Variants in ALKBH5 observed in about 807,000 individuals in gnomAD.
ALKBH5 encodes RNA demethylase ALKBH5.
A neutral mutation model predicts 32.1 loss-of-function variants in ALKBH5; 2 were observed. That is an observed-to-expected ratio of 0.06 (90% confidence interval 0.03 to 0.20). The LOEUF is 0.20. Ranked by LOEUF, ALKBH5 falls within the 10% of genes least tolerant of loss-of-function variation. The pLI is 1.00. For synonymous variants in ALKBH5, 300 were observed against 231.7 expected (o/e 1.29, Z -2.68); for missense variants, 352 against 559.5 (o/e 0.63, Z 3.74).
intron 2 of ALKBH5, among the ~76,000 whole-genome samples, chr17:18,201,465 A>G (rs1209453468): frequency 2.0e-5 from 3 of 152,206 alleles, no homozygotes; most frequent in South Asian, 2.1e-4. Flanking sequence ...GTGGTCTTCT[A>G]AACTCTTCCT....
At chr17:18,191,688 G>C (rs2047175787) in intron 1 of ALKBH5, among the ~76,000 whole-genome samples, 1 of 152,168 alleles carries the variant, frequency 6.6e-6, no homozygotes, top group Admixed American at 6.5e-5. Flanking sequence ...GTGCCTCTGG[G>C]GCCGAGCATG....
chr17:18,204,144 G>A (rs1250781231), intron 2 of ALKBH5, among the ~76,000 whole-genome samples: 1 of 152,116 alleles, frequency 6.6e-6, no homozygotes, highest in Non-Finnish European at 1.5e-5. Flanking sequence ...TTGATGACAC[G>A]AAGCCTGGTA....
intron 3 of ALKBH5, 33 bp downstream of exon 3, chr17:18,207,003 C>G: frequency 6.2e-7 from 1 of 1,606,356 alleles, no homozygotes; most frequent in South Asian, 1.1e-5. Context: ...CAAAGGCTGG[C>G]AAAGGCCTGG....
Position 18,209,272 on chromosome 17 carries a change from TGTG to T in ALKBH5, c.*880_*882del, listed in dbSNP as rs748729095. ...TAGCATTTGGGGTATGGAAAATTGT[TGTG>T]GTGTGTGGTAGGGTTTTTGTTTTCT... On this transcript the variant is annotated 3_prime_UTR_variant, in exon 4 of 4. Transcript: ENST00000399138. 2.0e-5 allele frequency: 3 copies of T among 152,688 alleles called. No individual in the cohort carries two copies. Among genetic ancestry groups the T allele is most frequent in the Non-Finnish European group, 4.4e-5 (3 of 68,068 alleles). 9.5% of individuals were successfully genotyped at this position (152,688 alleles called of 1,614,324 possible). A position where few individuals can be genotyped will look rare whatever the true frequency, so the allele number is the denominator to read the frequency against.
In ALKBH5 at chr17:18,208,827, C is replaced by T. The variant is rs961349498; in HGVS notation, c.*431C>T. ...TTCAGTCTTCTGCTCGCCCCTTTCC[C>T]TCACTGATGTCTGCACTTGGTTGAG... On this transcript the variant is annotated 3_prime_UTR_variant, in exon 4 of 4. Coordinates refer to ENST00000399138, the MANE Select transcript of ALKBH5 (RefSeq NM_017758.4). 2.3e-5 allele frequency: 7 copies of T among 299,966 alleles called. No homozygotes were observed. The highest frequency in any genetic ancestry group is 4.5e-5 in the Non-Finnish European group (7 of 155,180). The allele number at this position is 299,966 out of a possible 1,614,324, so 18.6% of individuals were successfully genotyped here.
chr17:18,206,763 C>G, intron 2 of ALKBH5, 52 bp from the exon 3 acceptor site: 5 of 1,590,058 alleles, frequency 3.1e-6, no homozygotes, highest in Non-Finnish European at 4.3e-6. Context: ...CTGATGGTGC[C>G]CACACCTTCA....
Position 18,183,980 on chromosome 17 carries a change from G to A in ALKBH5, c.-264G>A, listed in dbSNP as rs1290876028. On this transcript the variant is annotated 5_prime_UTR_variant, in exon 1 of 4. Coordinates refer to ENST00000399138, the MANE Select transcript of ALKBH5 (RefSeq NM_017758.4). The stretch of plus-strand genomic sequence containing the variant: ...GCAGCAGCCCTCCGCGGCATGAGGC[G>A]CTGCCGGCGCCCCTGCCCCGCGGGA... The A allele has an allele frequency of 1.6e-6, 1 of 637,534 alleles. No individual in the cohort carries two copies. The highest frequency in any genetic ancestry group is 2.1e-5 in the Admixed American group (1 of 47,282). The allele number at this position is 637,534 out of a possible 1,614,324, so 39.5% of individuals were successfully genotyped here. A position where few individuals can be genotyped will look rare whatever the true frequency, so the allele number is the denominator to read the frequency against.
rs1332501043 is a variant in ALKBH5, at chr17:18,184,202, C to T, written c.-42C>T. On this transcript the variant is annotated 5_prime_UTR_variant, in exon 1 of 4. Coordinates refer to ENST00000399138, the MANE Select transcript of ALKBH5 (RefSeq NM_017758.4). ...TCCCCTTAGAGCCATGCCCGGCTGC[C>T]CCGCCCGCCCCGGAGGACCCTAGAG... 2 of 1,455,836 alleles carry T rather than the reference C, an allele frequency of 1.4e-6. No individual in the cohort carries two copies. Among genetic ancestry groups the T allele is most frequent in the African/African-American group, 1.5e-5 (1 of 66,870 alleles). 90.2% of individuals were successfully genotyped at this position (1,455,836 alleles called of 1,614,324 possible).
chr17:18,183,923 G>A lies in ALKBH5; in HGVS notation c.-321G>A. 2 of 541,594 alleles carry A rather than the reference G, an allele frequency of 3.7e-6. No individual in the cohort carries two copies. Among genetic ancestry groups the A allele is most frequent in the East Asian group, 4.8e-5 (1 of 20,908 alleles). The allele number at this position is 541,594 out of a possible 1,614,324, so 33.5% of individuals were successfully genotyped here. A position where few individuals can be genotyped will look rare whatever the true frequency, so the allele number is the denominator to read the frequency against. On this transcript the variant is annotated 5_prime_UTR_variant, in exon 1 of 4. Coordinates refer to ENST00000399138, the MANE Select transcript of ALKBH5 (RefSeq NM_017758.4). The stretch of plus-strand genomic sequence containing the variant: ...AAAGTGCGGGCCGGGCCGGGCGTCC[G>A]AGGGTCTGGTCGGGAGTCGGGCCGC...
At chr17:18,185,080 A>G (rs1012498248) in intron 1 of ALKBH5, 67 bp downstream of exon 1, 2 of 1,557,716 alleles carry the variant, frequency 1.3e-6, no homozygotes, top group Admixed American at 3.6e-5. Flanking sequence ...TGGCCCAGAA[A>G]GCAGCAGCCC....
chr17:18,185,068 C>A lies in ALKBH5; in HGVS notation c.770+55C>A, dbSNP rs1204181880. ...TGCGCCTGCTGCCTTAGCTACCCAC[C>A]CTGGCCCAGAAAGCAGCAGCCCGTA... On this transcript the variant is annotated intron_variant, in intron 1 of 3. Transcript: ENST00000399138. The A allele has an allele frequency of 7.0e-6, 11 of 1,565,880 alleles. No homozygotes were observed. The Admixed American group carries it at 1.6e-4, about 22-fold the overall frequency.
At position 18,189,192 on chromosome 17, in the gene ALKBH5, A is replaced by G. The variant is rs147003836; in HGVS notation, c.770+4179A>G. On this transcript the variant is annotated intron_variant, in intron 1 of 3. Coordinates refer to ENST00000399138, the MANE Select transcript of ALKBH5 (RefSeq NM_017758.4). Reference sequence around the variant, plus strand: ...GGACATCGAGACCATCCTGGCTAGCATGGTGAAACCCTGTCTCTACTAAAA... The same window carrying G: ...GGACATCGAGACCATCCTGGCTAGCGTGGTGAAACCCTGTCTCTACTAAAA... Among the ~76,000 whole-genome samples, 1,080 of 152,304 alleles carry G rather than the reference A, an allele frequency of 7.1e-3. 6 individuals carry two copies. The highest frequency in any genetic ancestry group is 8.2e-3 in the African/African-American group (339 of 41,560).
intron 1 of ALKBH5, among the ~76,000 whole-genome samples, chr17:18,192,800 T>A (rs2047184227): frequency 6.6e-6 from 1 of 152,054 alleles, no homozygotes; most frequent in Admixed American, 6.5e-5. Flanking sequence ...TTTGAAACTC[T>A]AATCAGTATT....
chr17:18,195,081 C>A, intron 2 of ALKBH5, 46 bp downstream of exon 2: 2 of 1,546,522 alleles, frequency 1.3e-6, no homozygotes, highest in South Asian at 1.1e-5. Flanking sequence ...GCAGGCCTGT[C>A]TGGAGATGTA....
At position 18,209,279 on chromosome 17, in the gene ALKBH5, T is replaced by C. The variant is rs1008964724; in HGVS notation, c.*883T>C. 1.3e-5 allele frequency: 2 copies of C among 152,672 alleles called. No individual in the cohort carries two copies. Among genetic ancestry groups the C allele is most frequent in the Non-Finnish European group, 2.9e-5 (2 of 68,066 alleles). The allele number at this position is 152,672 out of a possible 1,614,324, so 9.5% of individuals were successfully genotyped here. ...TGGGGTATGGAAAATTGTTGTGGTG[T>C]GTGGTAGGGTTTTTGTTTTCTTTTT... On this transcript the variant is annotated 3_prime_UTR_variant, in exon 4 of 4. Transcript: ENST00000399138.
intron 1 of ALKBH5, among the ~76,000 whole-genome samples, chr17:18,190,550 GAAAAAA>G (rs11316080): frequency 1.6e-5 from 2 of 121,902 alleles, no homozygotes; most frequent in Non-Finnish European, 3.3e-5. Context: ...CTCTGTTTCC[GAAAAAA>G]AAAAAAAAAA....
At chr17:18,192,968 C>T (rs1053113547) in intron 1 of ALKBH5, among the ~76,000 whole-genome samples, 2 of 150,530 alleles carry the variant, frequency 1.3e-5, no homozygotes, top group African/African-American at 2.4e-5. Flanking sequence ...CAGCGATTCT[C>T]CTGCCTCAGC....
At chr17:18,201,774 GA>G (rs1567676590) in intron 2 of ALKBH5, among the ~76,000 whole-genome samples, 19 of 136,272 alleles carry the variant, frequency 1.4e-4, no homozygotes, top group Middle Eastern at 3.8e-3. Context: ...TAGATAGATA[GA>G]TAGATAGATA....
chr17:18,189,278 A>G (rs1421426987), intron 1 of ALKBH5, among the ~76,000 whole-genome samples: 1 of 151,964 alleles, frequency 6.6e-6, no homozygotes, highest in African/African-American at 2.4e-5. Context: ...GCTACTTGGG[A>G]TGCTGAGGCG....
Sources: gnomAD v4.1 joint callset for allele counts (sites outside exome capture counted in the v4.1 genomes callset) on GRCh38, gnomAD v4.1.1 for gene constraint, MANE v1.5 for transcripts, NCBI Gene and HGNC (gene_info 2026-07-23, HGNC 2026-07-21) for gene names.